Variants in TPP2 observed in about 807,000 individuals in gnomAD.
TPP2 encodes the protein tripeptidyl-peptidase 2.
Under a neutral mutation model 155.9 loss-of-function variants are expected in TPP2, and 34 were observed. The ratio of observed to expected loss-of-function variants is 0.22; its 90% CI spans 0.17 to 0.29. The LOEUF is 0.29. Among genes scored for constraint, TPP2 ranks in the 10% least tolerant of loss-of-function variants. The probability of loss-of-function intolerance (pLI) is 1.00; values close to 1 mark genes in which losing one functional copy is unlikely to be tolerated. For synonymous variants in TPP2, 510 were observed against 529.4 expected (o/e 0.96, Z 0.50); for missense variants, 1,028 against 1,522.3 (o/e 0.68, Z 5.40).
chr13:102,654,822 T>C, intron 24 of TPP2: 1 of 401,020 alleles, frequency 2.5e-6, no homozygotes, highest in South Asian at 1.8e-5. Flanking sequence ...ACTGATGCAG[T>C]CTGTTTCCAT....
intron 25 of TPP2, among the ~76,000 whole-genome samples, chr13:102,660,856 T>C (rs1439234969): frequency 6.6e-6 from 1 of 152,212 alleles, no homozygotes; most frequent in Non-Finnish European, 1.5e-5. Flanking sequence ...TTTTTAGTTT[T>C]GGCAAGGGTG....
At chr13:102,603,257 A>G (rs1454011885) in intron 1 of TPP2, among the ~76,000 whole-genome samples, 2 of 152,242 alleles carry the variant, frequency 1.3e-5, no homozygotes, top group African/African-American at 4.8e-5. Context: ...ATGTTCGTGA[A>G]TAAAGTAGAC....
chr13:102,617,962 G>T (rs1880873291), intron 4 of TPP2, among the ~76,000 whole-genome samples: 1 of 152,140 alleles, frequency 6.6e-6, no homozygotes, highest in Admixed American at 6.5e-5. Flanking sequence ...TAGTAACATA[G>T]TCTAGAGATA....
intron 24 of TPP2, among the ~76,000 whole-genome samples, chr13:102,652,235 G>A (rs1161079011): frequency 6.6e-6 from 1 of 151,874 alleles, no homozygotes; most frequent in Non-Finnish European, 1.5e-5. Flanking sequence ...AAATTAGCCA[G>A]GCGTGGTAGC....
intron 2 of TPP2, among the ~76,000 whole-genome samples, chr13:102,608,420 T>G (rs1170764892): frequency 6.6e-6 from 1 of 152,160 alleles, no homozygotes; most frequent in East Asian, 1.9e-4. Flanking sequence ...CTCCGTTGTT[T>G]TGCTGTTTTT....
intron 1 of TPP2, 138 bp from the exon 2 acceptor site, chr13:102,604,655 T>A: frequency 1.0e-6 from 1 of 991,890 alleles, no homozygotes; most frequent in Non-Finnish European, 1.4e-6. Context: ...TTCAGGCTTT[T>A]GGCTTAAAAC....
intron 16 of TPP2, among the ~76,000 whole-genome samples, chr13:102,640,930 A>T (rs554303396): frequency 6.6e-6 from 1 of 152,162 alleles, no homozygotes; most frequent in African/African-American, 2.4e-5. Flanking sequence ...GATTACAGGC[A>T]TGAGCAACTG....
chr13:102,668,010 C>T (rs574619248), intron 27 of TPP2: 72 of 168,572 alleles, frequency 4.3e-4, no homozygotes, highest in Middle Eastern at 2.9e-3. Flanking sequence ...TTGGAGCAAA[C>T]ACAATTTGTG....
At position 102,676,410 on chromosome 13, in the gene TPP2, A is replaced by G. The variant is rs1296784740; in HGVS notation, c.3694A>G (p.Ile1232Val). The change falls in exon 29 of 30, where the codon ATT becomes GTT. Residue 1232 changes from isoleucine to valine, a missense_variant. Physicochemically the swap from Ile to Val is conservative, Grantham distance 29 (BLOSUM62 3). Transcript: ENST00000376052. ...KPTKENWKNC[I>V]QLMKLLGWTH... The stretch of plus-strand genomic sequence containing the variant: ...AACAAAAGAAAACTGGAAAAATTGT[A>G]TTCAAGTAAGTGATATTTAAAATGT... 1.2e-6 allele frequency: 2 copies of G among 1,609,312 alleles called. No individual in the cohort carries two copies. The highest frequency in any genetic ancestry group is 1.7e-6 in the Non-Finnish European group (2 of 1,176,992).
chr13:102,676,535 C>T, intron 29 of TPP2, 120 bp downstream of exon 29: 1 of 1,190,508 alleles, frequency 8.4e-7, no homozygotes, highest in Non-Finnish European at 1.2e-6. Flanking sequence ...CCAGTTATTA[C>T]AGTAATTAGC....
intron 16 of TPP2, 110 bp downstream of exon 16, chr13:102,640,486 T>C (rs865898518): frequency 2.5e-6 from 2 of 809,832 alleles, no homozygotes; most frequent in South Asian, 3.5e-5. Context: ...TACTAATATA[T>C]GTATTTGGGT....
intron 27 of TPP2, among the ~76,000 whole-genome samples, chr13:102,668,103 T>A (rs681592): frequency 0.9 from 137,327 of 152,070 alleles, 62,277 homozygotes; most frequent in African/African-American, 0.98. Context: ...ACAGGAGTAG[T>A]CAAATTTGTC....
At chr13:102,669,355 C>T (rs1053254571) in intron 27 of TPP2, among the ~76,000 whole-genome samples, 14 of 152,106 alleles carry the variant, frequency 9.2e-5, no homozygotes, top group Non-Finnish European at 1.6e-4. Context: ...GGATGTTCCA[C>T]ATATGACAAA....
At chr13:102,647,180 C>A in intron 20 of TPP2, 27 bp from the exon 21 acceptor site, 3 of 1,568,018 alleles carry the variant, frequency 1.9e-6, no homozygotes, top group Admixed American at 1.8e-5. Flanking sequence ...CAAATCATGC[C>A]AAGTAATCTT....
intron 6 of TPP2, among the ~76,000 whole-genome samples, chr13:102,626,167 C>T (rs1193742150): frequency 6.6e-6 from 1 of 152,168 alleles, no homozygotes; most frequent in Non-Finnish European, 1.5e-5. Context: ...TCCATTGCCA[C>T]ATTAGTTTGG....
chr13:102,678,185 G>A (rs1367326044), intron 29 of TPP2, 42 bp from the exon 30 acceptor site: 4 of 1,551,762 alleles, frequency 2.6e-6, no homozygotes, highest in Admixed American at 3.6e-5. Flanking sequence ...TTAAAAATCT[G>A]TCACTTCCTT....
Position 102,651,358 on chromosome 13 carries a change from G to T in TPP2, c.2953-1G>T. On this transcript the variant is annotated splice_acceptor_variant, in intron 23 of 29. Coordinates refer to ENST00000376052, the MANE Select transcript of TPP2 (RefSeq NM_001330588.2). LOFTEE classifies it high-confidence loss of function. ...TTACAGAATGTCGTTCTAACTCCCA[G>T]GGGCAGTCTGCAGCAAAACGACAAG... 6.3e-7 allele frequency: 1 copy of T among 1,582,036 alleles called. No individual in the cohort carries two copies. Among genetic ancestry groups the T allele is most frequent in the Non-Finnish European group, 8.6e-7 (1 of 1,163,108 alleles).
intron 20 of TPP2, 97 bp downstream of exon 20, chr13:102,646,487 T>C: frequency 1.3e-6 from 1 of 794,658 alleles, no homozygotes; most frequent in South Asian, 2.4e-5. Context: ...GTATATGGTA[T>C]ATATAAAAAA....
At chr13:102,597,709 A>T (rs567403603) in intron 1 of TPP2, among the ~76,000 whole-genome samples, 2 of 152,368 alleles carry the variant, frequency 1.3e-5, no homozygotes, top group African/African-American at 4.8e-5. Context: ...GGCAACTGAC[A>T]TGTGAGAACT....
Sources: gnomAD v4.1 joint callset for allele counts (sites outside exome capture counted in the v4.1 genomes callset) on GRCh38, gnomAD v4.1.1 for gene constraint, MANE v1.5 for transcripts, NCBI Gene and HGNC (gene_info 2026-07-23, HGNC 2026-07-21) for gene names.